ANKRD28: variants seen among roughly 807,000 people sequenced by gnomAD.
ANKRD28 encodes ankyrin repeat domain 28, also known as serine/threonine-protein phosphatase 6 regulatory ankyrin repeat subunit A.
A neutral mutation model predicts 126.5 loss-of-function variants in ANKRD28; 44 were observed. That is an observed-to-expected ratio of 0.35 (90% CI 0.27 to 0.45). The LOEUF is 0.45. ANKRD28 is among the 20% of genes least tolerant of loss of function. ANKRD28 has a pLI of 1.00. For synonymous variants in ANKRD28, 442 were observed against 468.5 expected (o/e 0.94, Z 0.73); for missense variants, 1,110 against 1,316.6 (o/e 0.84, Z 2.43).
intron 1 of ANKRD28, among the ~76,000 whole-genome samples, chr3:15,858,949 G>C (rs2061835329): frequency 6.6e-6 from 1 of 152,192 alleles, no homozygotes; most frequent in African/African-American, 2.4e-5. Flanking sequence ...AACCCGGAGA[G>C]AGAGTCCCTC....
intron 18 of ANKRD28, among the ~76,000 whole-genome samples, chr3:15,687,211 G>A (rs1221914187): frequency 1.3e-5 from 2 of 152,000 alleles, no homozygotes; most frequent in Non-Finnish European, 2.9e-5. Flanking sequence ...CCAAAGTGCT[G>A]GGATTACAGG....
chr3:15,788,645 G>T (rs2125758506), intron 2 of ANKRD28, among the ~76,000 whole-genome samples: 1 of 152,134 alleles, frequency 6.6e-6, no homozygotes, highest in South Asian at 2.1e-4. Flanking sequence ...TTATAAAGAA[G>T]AATCAAAGTT....
At position 15,713,650 on chromosome 3, in the gene ANKRD28, TAGGACTTACTGTC is replaced by T; in HGVS notation, c.1076-22_1076-10del. On this transcript the variant is annotated splice_polypyrimidine_tract_variant and intron_variant, in intron 9 of 27. Transcript: ENST00000683139. ...ACAGTCGATTACAGCTCCTGCAATA[TAGGACTTACTGTC>T]AGACACTGGACCATATAAAGATCAG... 2 of 1,568,982 alleles carry T rather than the reference TAGGACTTACTGTC, an allele frequency of 1.3e-6. No homozygotes were observed. The highest frequency in any genetic ancestry group is 1.7e-6 in the Non-Finnish European group (2 of 1,150,632).
At position 15,796,138 on chromosome 3, in the gene ANKRD28, C is replaced by T. The variant is rs146295419; in HGVS notation, c.117+267G>A. 1.1e-4 allele frequency among the ~76,000 whole-genome samples: 17 copies of T among 152,098 alleles called. 2 individuals carry two copies. The highest frequency in any genetic ancestry group is 4.1e-4 in the South Asian group (2 of 4,824). Reference sequence around the variant, plus strand: ...CAAAATGAAAACAGAAACGTGGTTGCCATAACTACTAATTCTCAAATTATT... The same window carrying T: ...CAAAATGAAAACAGAAACGTGGTTGTCATAACTACTAATTCTCAAATTATT... On this transcript the variant is annotated intron_variant, in intron 1 of 27. Coordinates refer to ENST00000683139, the MANE Select transcript of ANKRD28 (RefSeq NM_001349278.2).
intron 1 of ANKRD28, among the ~76,000 whole-genome samples, chr3:15,840,132 A>G (rs938951478): frequency 6.6e-6 from 1 of 152,218 alleles, no homozygotes; most frequent in Admixed American, 6.5e-5. Context: ...ATATGATCTT[A>G]TATTTGAAAA....
chr3:15,811,406 G>A (rs2060708355), intron 1 of ANKRD28, among the ~76,000 whole-genome samples: 1 of 152,154 alleles, frequency 6.6e-6, no homozygotes, highest in Non-Finnish European at 1.5e-5. Flanking sequence ...TCAGTGAAAG[G>A]AGTCTGAACA....
upstream of ANKRD28, among the ~76,000 whole-genome samples, chr3:15,801,173 C>A (rs548737318): frequency 6.6e-6 from 1 of 152,144 alleles, no homozygotes; most frequent in Admixed American, 6.5e-5. This position sits in a 1 kb window ranked among gnomAD's most constrained non-coding sequence, Gnocchi z 4.9. Flanking sequence ...TCCTTCTATT[C>A]TTTATACTAA....
chr3:15,679,330 G>A lies in ANKRD28; in HGVS notation c.2532C>T (p.Ser844=). 1 of 1,613,928 alleles carries A rather than the reference G, an allele frequency of 6.2e-7. No homozygotes were observed. The highest frequency in any genetic ancestry group is 1.3e-5 in the African/African-American group (1 of 75,024). Residue 844 remains serine (S), a synonymous_variant, in exon 23 of 28, where the codon AGC becomes AGT. Coordinates refer to ENST00000683139, the MANE Select transcript of ANKRD28 (RefSeq NM_001349278.2). The stretch of plus-strand genomic sequence containing the variant: ...CTTTTGAATCTGTGGCGTTCACAAT[G>A]CTGGCACCTAATGTATCAATTAACA... ...AEMLIDTLGA[S]IVNATDSKGR...
intron 2 of ANKRD28, among the ~76,000 whole-genome samples, chr3:15,780,175 A>C (rs1486392852): frequency 6.6e-6 from 1 of 152,192 alleles, no homozygotes; most frequent in Non-Finnish European, 1.5e-5. Flanking sequence ...ATCCCTAAAG[A>C]GACACCAAAA....
At chr3:15,710,978 G>C (rs891929760) in intron 12 of ANKRD28, among the ~76,000 whole-genome samples, 1 of 152,114 alleles carries the variant, frequency 6.6e-6, no homozygotes, top group African/African-American at 2.4e-5. Context: ...ACAGAAGGCA[G>C]TATTTCCTTT....
chr3:15,788,489 T>C (rs1328320622), intron 2 of ANKRD28, among the ~76,000 whole-genome samples: 1 of 152,182 alleles, frequency 6.6e-6, no homozygotes, highest in African/African-American at 2.4e-5. Flanking sequence ...AATGTTAACC[T>C]GTCAATTTTA....
At chr3:15,771,293 C>T (rs2058991112) in intron 2 of ANKRD28, among the ~76,000 whole-genome samples, 1 of 151,774 alleles carries the variant, frequency 6.6e-6, no homozygotes, top group African/African-American at 2.4e-5. Context: ...ACCTGTAATC[C>T]CAGCTACTTG....
chr3:15,852,352 T>A (rs1245035669), intron 1 of ANKRD28, among the ~76,000 whole-genome samples: 2 of 152,226 alleles, frequency 1.3e-5, no homozygotes, highest in Non-Finnish European at 2.9e-5. Flanking sequence ...TAAATGTAAT[T>A]CTCATCTATA....
rs528434140 is a variant in ANKRD28, at chr3:15,818,639, T to C, written c.28-23333A>G. Among the ~76,000 whole-genome samples the C allele has an allele frequency of 2.6e-5, 4 of 152,304 alleles. No homozygotes were observed. The East Asian group carries it at 7.7e-4, about 29-fold the overall frequency. ...AACTAATAATAAAATAGAACAATTT[T>C]AACAACACACTGTAAAATGAAAGTG... is the stretch of plus-strand genomic sequence containing the variant. On this transcript the variant is annotated intron_variant, in intron 1 of 27. Coordinates refer to the ANKRD28 transcript ENST00000399451.
At chr3:15,783,742 C>T (rs573157537) in intron 2 of ANKRD28, among the ~76,000 whole-genome samples, 1 of 151,972 alleles carries the variant, frequency 6.6e-6, no homozygotes, top group East Asian at 1.9e-4. Context: ...AATAATTATG[C>T]TGAATGAAAA....
At chr3:15,824,729 G>A (rs1268710229) in intron 1 of ANKRD28, among the ~76,000 whole-genome samples, 4 of 152,240 alleles carry the variant, frequency 2.6e-5, no homozygotes, top group African/African-American at 9.6e-5. Flanking sequence ...GGTGTGCTGA[G>A]TGTGTGCATG....
rs984656215 is a variant in ANKRD28, at chr3:15,682,321, AG to A, written c.2390-2759del. Among the ~76,000 whole-genome samples, 13 of 152,318 alleles carry A rather than the reference AG, an allele frequency of 8.5e-5. 2 individuals are homozygous for A. Among genetic ancestry groups the A allele is most frequent in the African/African-American group, 2.9e-4 (12 of 41,578 alleles). ...ATCAATCCATAGTTCCTGAGACCAA[AG>A]GGTTTGAGAACCACTCACCATCTGA... On this transcript the variant is annotated intron_variant, in intron 21 of 27. Transcript: ENST00000683139.
At chr3:15,782,665 T>C (rs1382655928) in intron 2 of ANKRD28, among the ~76,000 whole-genome samples, 4 of 152,108 alleles carry the variant, frequency 2.6e-5, no homozygotes, top group African/African-American at 9.7e-5. Context: ...CTTTCATAGT[T>C]GTCTGTTCTG....
At chr3:15,822,640 A>T (rs2060969687) in intron 1 of ANKRD28, among the ~76,000 whole-genome samples, 1 of 152,184 alleles carries the variant, frequency 6.6e-6, no homozygotes, top group South Asian at 2.1e-4. Flanking sequence ...AATTTACTAG[A>T]CAAAGACTTT....
Sources: allele counts gnomAD v4.1 joint callset (sites outside exome capture counted in the v4.1 genomes callset), GRCh38; gene constraint gnomAD v4.1.1; non-coding constraint Gnocchi (gnomAD v3.1); transcripts MANE v1.5; gene names NCBI Gene and HGNC (gene_info 2026-07-23, HGNC 2026-07-21).